Variants in NUP62CL observed in about 807,000 individuals in gnomAD.
NUP62CL encodes nucleoporin 62 C-terminal like.
A neutral mutation model predicts 15.3 loss-of-function variants in NUP62CL; 13 were observed. The ratio of observed to expected loss-of-function variants is 0.85; its 90% CI spans 0.55 to 1.35. NUP62CL has a LOEUF of 1.35. Among genes scored for constraint, NUP62CL ranks in the 40% most tolerant of loss-of-function variants. The pLI, the probability that NUP62CL is intolerant of heterozygous loss-of-function variation, is 0.00. For synonymous variants in NUP62CL, 54 were observed against 49.2 expected (o/e 1.10, Z -0.41); for missense variants, 123 against 130.6 (o/e 0.94, Z 0.28).
At chrX:107,130,451 G>T (rs1167473211) in intron 8 of NUP62CL, among the ~76,000 whole-genome samples, 3 of 112,043 alleles carry the variant, frequency 2.7e-5, no homozygotes, top group African/African-American at 9.7e-5. Context: ...GACAGGCAAG[G>T]TCTCAAAAAG....
chrX:107,130,071 G>T (rs956401433), intron 8 of NUP62CL, among the ~76,000 whole-genome samples: 1 of 111,387 alleles, frequency 9.0e-6, no homozygotes, highest in African/African-American at 3.3e-5. Flanking sequence ...ATTAAATTTA[G>T]ATCAGTCCAG....
intron 4 of NUP62CL, among the ~76,000 whole-genome samples, chrX:107,155,910 C>A (rs899195557): frequency 8.9e-6 from 1 of 111,830 alleles, no homozygotes; most frequent in Non-Finnish European, 1.9e-5. Context: ...TGGGCGCAGG[C>A]CAGTGGGTGC....
At chrX:107,131,637 A>C (rs1925519724) in intron 8 of NUP62CL, 1 of 537,098 alleles carries the variant, frequency 1.9e-6, no homozygotes, top group Non-Finnish European at 3.3e-6. Context: ...CGCGGGACCA[A>C]GGCCGCGGCC....
At position 107,178,130 on chromosome X, in the gene NUP62CL, A is replaced by G. The variant is rs1390417650; in HGVS notation, c.-47-2937T>C. On this transcript the variant is annotated intron_variant, in intron 2 of 8. Transcript: ENST00000372466. ...ATATATTATTCCATTTATAAAAAAT[A>G]TATGATTCCATTACAGAGACAAAAT... 3.6e-5 allele frequency among the ~76,000 whole-genome samples: 4 copies of G among 111,955 alleles called. No homozygotes were observed. In the Admixed American group the frequency reaches 3.8e-4, roughly 11 times the overall value.
At chrX:107,170,675 G>C (rs992883437) in intron 3 of NUP62CL, among the ~76,000 whole-genome samples, 1 of 111,578 alleles carries the variant, frequency 9.0e-6, no homozygotes, top group Non-Finnish European at 1.9e-5. Context: ...GCCTCCCAAA[G>C]TGCTAGGATT....
At chrX:107,146,055 A>ATT (rs372706568) in intron 8 of NUP62CL, among the ~76,000 whole-genome samples, 6 of 111,988 alleles carry the variant, frequency 5.4e-5, no homozygotes, top group African/African-American at 1.9e-4. Context: ...CATAAATGGT[A>ATT]TTGTATACTT....
At chrX:107,155,343 G>A (rs1053590340) in intron 4 of NUP62CL, among the ~76,000 whole-genome samples, 10 of 112,395 alleles carry the variant, frequency 8.9e-5, no homozygotes, top group African/African-American at 3.2e-4. Context: ...TGTCAGTGGG[G>A]CCAACAGGAA....
intron 8 of NUP62CL, among the ~76,000 whole-genome samples, chrX:107,138,159 T>C (rs1164187387): frequency 9.0e-6 from 1 of 111,578 alleles, no homozygotes; most frequent in Non-Finnish European, 1.9e-5. Flanking sequence ...CTATCTTATA[T>C]AAAAATTAAA....
At chrX:107,158,267 CA>C (rs1320476094) in intron 4 of NUP62CL, among the ~76,000 whole-genome samples, 1 of 53,269 alleles carries the variant, frequency 1.9e-5, no homozygotes, top group East Asian at 6.5e-4. Flanking sequence ...CTCAGCTCTG[CA>C]CCAAGTGGAC....
intron 4 of NUP62CL, among the ~76,000 whole-genome samples, chrX:107,166,872 A>T (rs1246532186): frequency 1.8e-5 from 2 of 111,951 alleles, no homozygotes; most frequent in African/African-American, 3.2e-5. Context: ...AAATGTCAAG[A>T]TTATAGAAAT....
In NUP62CL at chrX:107,180,456, A is replaced by G. The variant is rs577415153; in HGVS notation, c.-47-5263T>C. Among the ~76,000 whole-genome samples the G allele has an allele frequency of 2.9e-4, 32 of 112,047 alleles. No homozygotes were observed. The South Asian group carries it at 0.012, about 42-fold the overall frequency. On this transcript the variant is annotated intron_variant, in intron 2 of 8. Transcript: ENST00000372466. ...TAGCACATCCAGAGCATGGAATACT[A>G]CGATCCTATAAAAAATACTGAGGAA...
At chrX:107,173,702 T>A (rs1926702431) in intron 3 of NUP62CL, among the ~76,000 whole-genome samples, 1 of 111,768 alleles carries the variant, frequency 8.9e-6, no homozygotes, top group Admixed American at 9.5e-5. Context: ...GAAGTCTAAG[T>A]GGTAGAAAAC....
intron 7 of NUP62CL, among the ~76,000 whole-genome samples, chrX:107,148,499 G>A (rs938731809): frequency 1.8e-5 from 2 of 111,435 alleles, no homozygotes; most frequent in East Asian, 5.6e-4. Context: ...TGTTTTCAAA[G>A]AATGGTTAAA....
intron 1 of NUP62CL, among the ~76,000 whole-genome samples, chrX:107,198,360 T>C (rs1927402660): frequency 9.0e-6 from 1 of 111,366 alleles, no homozygotes; most frequent in Non-Finnish European, 1.9e-5. Flanking sequence ...TGGGGCCAAA[T>C]AAGGGAATAA....
intron 4 of NUP62CL, among the ~76,000 whole-genome samples, chrX:107,157,330 A>T (rs1232050340): frequency 9.6e-6 from 1 of 104,558 alleles, no homozygotes; most frequent in African/African-American, 3.7e-5. Flanking sequence ...TAATTGTCAG[A>T]TTCACCAAAG....
chrX:107,148,225 T>A (rs184577711), intron 7 of NUP62CL, among the ~76,000 whole-genome samples: 28 of 111,984 alleles, frequency 2.5e-4, no homozygotes, highest in Non-Finnish European at 4.9e-4. Context: ...TAGCCAATAG[T>A]AATATAAATT....
chrX:107,167,844 G>C, intron 3 of NUP62CL, 60 bp from the exon 4 acceptor site: 1 of 1,038,898 alleles, frequency 9.6e-7, no homozygotes, highest in Non-Finnish European at 1.3e-6. Context: ...TTTAAGCCTT[G>C]ATCATTCAGA....
At chrX:107,137,309 T>C (rs1242930672) in intron 8 of NUP62CL, among the ~76,000 whole-genome samples, 3 of 111,688 alleles carry the variant, frequency 2.7e-5, no homozygotes, top group Admixed American at 9.5e-5. Context: ...GACTGAAGAC[T>C]TTCCACATAA....
chrX:107,143,431 T>C (rs1452303472), intron 8 of NUP62CL, among the ~76,000 whole-genome samples: 1 of 109,982 alleles, frequency 9.1e-6, no homozygotes, highest in Non-Finnish European at 1.9e-5. Flanking sequence ...CCCAGGCTGG[T>C]TTCGAATCCC....
Sources: allele counts gnomAD v4.1 joint callset (sites outside exome capture counted in the v4.1 genomes callset), GRCh38; gene constraint gnomAD v4.1.1; transcripts MANE v1.5; gene names NCBI Gene and HGNC (gene_info 2026-07-23, HGNC 2026-07-21).